Variants in QTMAN observed in about 807,000 individuals in gnomAD.
The protein encoded by QTMAN is tRNA-queuosine alpha-mannosyltransferase.
At chr2:144,143,968 G>C in the QTMAN span, among the ~76,000 whole-genome samples, 1 of 151,860 alleles carries the variant, frequency 6.6e-6, no homozygotes, top group Non-Finnish European at 1.5e-5. Flanking sequence ...AATCTGAACA[G>C]GACTGCCTTT....
At chr2:144,167,707 T>G in the QTMAN span, among the ~76,000 whole-genome samples, 1 of 152,094 alleles carries the variant, frequency 6.6e-6, no homozygotes, top group Non-Finnish European at 1.5e-5. Context: ...GAGGTCTCCC[T>G]AGCAATGTGG....
the QTMAN span, among the ~76,000 whole-genome samples, chr2:144,135,556 G>T: frequency 6.6e-6 from 1 of 151,938 alleles, no homozygotes; most frequent in Non-Finnish European, 1.5e-5. Flanking sequence ...TCCTGTTGAT[G>T]TATCTTCTTT....
chr2:144,087,714 G>A, the QTMAN span, among the ~76,000 whole-genome samples: 5 of 151,958 alleles, frequency 3.3e-5, no homozygotes, highest in Non-Finnish European at 4.4e-5. Flanking sequence ...TAATCACCTC[G>A]ACAGACGCAG....
the QTMAN span, among the ~76,000 whole-genome samples, chr2:144,330,696 G>A: frequency 0.26 from 39,635 of 152,018 alleles, 6,313 homozygotes; most frequent in East Asian, 0.4. Context: ...GGCTTTTTAA[G>A]ATACCATAAT....
the QTMAN span, among the ~76,000 whole-genome samples, chr2:144,277,482 C>A: frequency 6.6e-6 from 1 of 152,016 alleles, no homozygotes; most frequent in African/African-American, 2.4e-5. Flanking sequence ...ATGAGCAAAC[C>A]TGATAGCCTG....
the QTMAN span, among the ~76,000 whole-genome samples, chr2:144,260,542 G>A: frequency 6.6e-6 from 1 of 152,000 alleles, no homozygotes; most frequent in East Asian, 1.9e-4. Context: ...ATCTGACTCA[G>A]AAGAGCAAAT....
At chr2:144,329,932 T>C in the QTMAN span, among the ~76,000 whole-genome samples, 4 of 152,204 alleles carry the variant, frequency 2.6e-5, no homozygotes, top group Admixed American at 2.6e-4. Flanking sequence ...ATAGCCGAAC[T>C]TTCACGAAGC....
chr2:144,248,809 A>G, the QTMAN span, among the ~76,000 whole-genome samples: 1 of 152,008 alleles, frequency 6.6e-6, no homozygotes, highest in Non-Finnish European at 1.5e-5. Flanking sequence ...CATATAAAAT[A>G]TAAGATCTCA....
At chr2:144,332,424 C>T in the QTMAN span, 1 of 148,206 alleles carries the variant, frequency 6.7e-6, no homozygotes, top group Non-Finnish European at 1.5e-5. Context: ...GCTCCCCAGC[C>T]CGGAGCCTAC....
the QTMAN span, among the ~76,000 whole-genome samples, chr2:144,288,654 G>A: frequency 2.0e-5 from 3 of 152,114 alleles, no homozygotes; most frequent in Non-Finnish European, 2.9e-5. Context: ...TTAAAACAGA[G>A]GTCTTCCAAG....
chr2:144,110,809 T>C, the QTMAN span, among the ~76,000 whole-genome samples: 3 of 152,036 alleles, frequency 2.0e-5, no homozygotes, highest in Non-Finnish European at 2.9e-5. Flanking sequence ...GCAGGAGTGA[T>C]ATCATCTTTC....
the QTMAN span, among the ~76,000 whole-genome samples, chr2:144,256,075 G>A: frequency 6.6e-6 from 1 of 152,150 alleles, no homozygotes; most frequent in Non-Finnish European, 1.5e-5. Context: ...AGGTTCTGGT[G>A]TGTGCAGTTT....
chr2:144,163,011 A>G, the QTMAN span, among the ~76,000 whole-genome samples: 1 of 152,238 alleles, frequency 6.6e-6, no homozygotes, highest in Non-Finnish European at 1.5e-5. Context: ...TACTTGGTAG[A>G]GACTACAAAA....
chr2:144,043,773 G>C, the QTMAN span, among the ~76,000 whole-genome samples: 1 of 152,182 alleles, frequency 6.6e-6, no homozygotes, highest in African/African-American at 2.4e-5. Context: ...TCATTTGAGA[G>C]AGGTTGCTTA....
At chr2:144,145,728 G>C in the QTMAN span, 1 of 1,609,142 alleles carries the variant, frequency 6.2e-7, no homozygotes, top group Non-Finnish European at 8.5e-7. Flanking sequence ...CACTGAACTT[G>C]CAAAGAGGGT....
At chr2:144,040,500 C>G in the QTMAN span, among the ~76,000 whole-genome samples, 1 of 152,080 alleles carries the variant, frequency 6.6e-6, no homozygotes, top group Non-Finnish European at 1.5e-5. Context: ...ACATTCTTCT[C>G]TTGCCTACTG....
At chr2:144,188,517 G>A in the QTMAN span, among the ~76,000 whole-genome samples, 1 of 142,832 alleles carries the variant, frequency 7.0e-6, no homozygotes, top group Non-Finnish European at 1.6e-5. Flanking sequence ...TCGGATGGAT[G>A]GATGGATGGA....
the QTMAN span, among the ~76,000 whole-genome samples, chr2:144,312,980 TG>T: frequency 1 from 152,327 of 152,328 alleles, 76,163 homozygotes; most frequent in Non-Finnish European, 1. Flanking sequence ...AGTGTGAAAA[TG>T]GGACTATGAT....
chr2:144,055,559 C>T, the QTMAN span, among the ~76,000 whole-genome samples: 250 of 152,056 alleles, frequency 1.6e-3, no homozygotes, highest in Middle Eastern at 0.01. Flanking sequence ...TGAAGGTAAT[C>T]GCGTGGTGCA....
Sources: gnomAD v4.1 joint callset for allele counts (sites outside exome capture counted in the v4.1 genomes callset) on GRCh38, gnomAD v4.1.1 for gene constraint, MANE v1.5 for transcripts, NCBI Gene and HGNC (gene_info 2026-07-23, HGNC 2026-07-21) for gene names.